Variants in PINX1 observed in about 807,000 individuals in gnomAD.
PINX1 encodes the protein PIN2/TERF1-interacting telomerase inhibitor 1.
Under a neutral mutation model 25.4 loss-of-function variants are expected in PINX1, and 34 were observed. That is an observed-to-expected ratio of 1.34 (90% CI 1.02 to 1.78). The LOEUF (loss-of-function observed/expected upper bound fraction) is 1.78. Among genes scored for constraint, PINX1 ranks in the 40% most tolerant of loss-of-function variants. The pLI, the probability that PINX1 is intolerant of heterozygous loss-of-function variation, is 0.00. For missense variants in PINX1, 592 were observed against 404.9 expected, an observed-to-expected ratio of 1.46 and a Z score of -3.97; for synonymous variants, 197 against 147.7, an observed-to-expected ratio of 1.33 and a Z score of -2.42.
intron 6 of PINX1, among the ~76,000 whole-genome samples, chr8:10,810,756 G>C (rs1282309726): frequency 1.3e-5 from 2 of 152,220 alleles, no homozygotes; most frequent in African/African-American, 2.4e-5. Flanking sequence ...CATGGTATTA[G>C]AAGGTCACTG....
Position 10,799,173 on chromosome 8 carries a change from C to A in PINX1, c.471+21020G>T, listed in dbSNP as rs541773597. 4.6e-5 allele frequency among the ~76,000 whole-genome samples: 7 copies of A among 151,910 alleles called. No individual in the cohort carries two copies. The East Asian group carries it at 1.2e-3, about 25-fold the overall frequency. On this transcript the variant is annotated intron_variant, in intron 6 of 6. Coordinates refer to ENST00000314787, the MANE Select transcript of PINX1 (RefSeq NM_017884.6). ...TTTTCAGTGTATTTGGAATCTATATCTGGACAGAGTACCTGCAAAAAGTAA... is the reference window on the plus strand; with the variant it reads ...TTTTCAGTGTATTTGGAATCTATATATGGACAGAGTACCTGCAAAAAGTAA...
At chr8:10,788,768 C>T (rs1275959660) in intron 6 of PINX1, among the ~76,000 whole-genome samples, 2 of 152,092 alleles carry the variant, frequency 1.3e-5, no homozygotes, top group Admixed American at 1.3e-4. Context: ...TGAGAGGAAG[C>T]CAACCAAGGC....
At position 10,821,183 on chromosome 8, in the gene PINX1, G is replaced by C. The variant is rs186071285; in HGVS notation, c.395-914C>G. Reference sequence around the variant, plus strand: ...ATGTGAGTCTCACGCTGGAAGCCGAGTTCCACCGTCACAGACTCACTTGTC... The same window carrying C: ...ATGTGAGTCTCACGCTGGAAGCCGACTTCCACCGTCACAGACTCACTTGTC... On this transcript the variant is annotated intron_variant, in intron 5 of 6. Coordinates refer to ENST00000314787, the MANE Select transcript of PINX1 (RefSeq NM_017884.6). 6.1e-3 allele frequency among the ~76,000 whole-genome samples: 922 copies of C among 152,366 alleles called. 11 individuals carry two copies. The highest frequency in any genetic ancestry group is 0.021 in the African/African-American group (889 of 41,594).
rs1250469788 is a variant in PINX1, at chr8:10,765,142, C to T, written c.*259G>A. On this transcript the variant is annotated 3_prime_UTR_variant, in exon 7 of 7. Transcript: ENST00000314787. ...TGTATTTGTAATGATTATAATTAAA[C>T]TCTCTTGCTGAAGGGCTCAGAGTTT... is the stretch of plus-strand genomic sequence containing the variant. The T allele has an allele frequency of 6.3e-6, 3 of 472,946 alleles. No individual in the cohort carries two copies. The highest frequency in any genetic ancestry group is 3.9e-5 in the African/African-American group (2 of 51,338). The allele number at this position is 472,946 out of a possible 1,614,324, so 29.3% of individuals were successfully genotyped here.
intron 4 of PINX1, among the ~76,000 whole-genome samples, chr8:10,830,726 C>A (rs1169719507): frequency 6.6e-6 from 1 of 152,194 alleles, no homozygotes; most frequent in Non-Finnish European, 1.5e-5. Flanking sequence ...AGATGCTTAA[C>A]ATCAGTCATT....
intron 6 of PINX1, among the ~76,000 whole-genome samples, chr8:10,791,799 C>T (rs886367450): frequency 1.3e-5 from 2 of 152,160 alleles, no homozygotes; most frequent in Middle Eastern, 6.3e-3. Flanking sequence ...CTCTCCAGCA[C>T]TGCGCGAGGC....
chr8:10,803,709 C>T (rs1181460144), intron 6 of PINX1, among the ~76,000 whole-genome samples: 1 of 152,202 alleles, frequency 6.6e-6, no homozygotes, highest in East Asian at 1.9e-4. Flanking sequence ...GTCAGGAGCA[C>T]ACAAGGTCTG....
At chr8:10,772,823 T>C (rs1801270849) in intron 6 of PINX1, among the ~76,000 whole-genome samples, 1 of 152,170 alleles carries the variant, frequency 6.6e-6, no homozygotes, top group Admixed American at 6.5e-5. Flanking sequence ...GAAACAGGTG[T>C]AAGAACCTGT....
chr8:10,773,540 A>G (rs960100018), intron 6 of PINX1, among the ~76,000 whole-genome samples: 1 of 152,234 alleles, frequency 6.6e-6, no homozygotes, highest in Admixed American at 6.5e-5. Flanking sequence ...GGAGAAGATA[A>G]TACGAACTAG....
At chr8:10,838,976 A>G (rs1798487270) in intron 1 of PINX1, among the ~76,000 whole-genome samples, 1 of 152,126 alleles carries the variant, frequency 6.6e-6, no homozygotes, top group Non-Finnish European at 1.5e-5. Context: ...TTGATCTGTT[A>G]AATAAGCTGT....
chr8:10,832,725 T>A (rs1798259150), intron 3 of PINX1, among the ~76,000 whole-genome samples, 167 bp downstream of exon 3: 1 of 152,224 alleles, frequency 6.6e-6, no homozygotes, highest in Non-Finnish European at 1.5e-5. Flanking sequence ...GGCCACTGAC[T>A]CTGAGTTATA....
At chr8:10,830,112 TTCAG>T (rs1798184404) in intron 4 of PINX1, among the ~76,000 whole-genome samples, 1 of 152,240 alleles carries the variant, frequency 6.6e-6, no homozygotes. Context: ...ATATGAGTCA[TTCAG>T]TATTTTCAGA....
intron 6 of PINX1, among the ~76,000 whole-genome samples, chr8:10,814,840 AC>A (rs1797651294): frequency 6.6e-6 from 1 of 152,176 alleles, no homozygotes. Context: ...CATGCTGGGG[AC>A]CCAGGAATGA....
rs1044458125 is a variant in PINX1, at chr8:10,781,549, G to A, written c.472-15633C>T. 2.6e-5 allele frequency among the ~76,000 whole-genome samples: 4 copies of A among 152,238 alleles called. No homozygotes were observed. The East Asian group carries it at 7.7e-4, about 29-fold the overall frequency. On this transcript the variant is annotated intron_variant, in intron 6 of 6. Coordinates refer to ENST00000314787, the MANE Select transcript of PINX1 (RefSeq NM_017884.6). Reference sequence around the variant, plus strand: ...AAAAATGGGCAAAGATGCTGGACAGGTATTTCTCAAAAGATGACATACACA... The same window carrying A: ...AAAAATGGGCAAAGATGCTGGACAGATATTTCTCAAAAGATGACATACACA...
intron 6 of PINX1, among the ~76,000 whole-genome samples, chr8:10,804,667 T>A (rs550355204): frequency 1.3e-5 from 2 of 151,406 alleles, no homozygotes; most frequent in Non-Finnish European, 2.9e-5. Context: ...TGATTAGGAA[T>A]GGTTTCATCG....
intron 6 of PINX1, among the ~76,000 whole-genome samples, chr8:10,792,683 A>C (rs1801961836): frequency 1.3e-5 from 2 of 152,194 alleles, no homozygotes; most frequent in Admixed American, 6.5e-5. Flanking sequence ...AGGTATTTTT[A>C]GCATCTTGAG....
At chr8:10,779,932 C>A (rs573133332) in intron 6 of PINX1, among the ~76,000 whole-genome samples, 2 of 152,096 alleles carry the variant, frequency 1.3e-5, no homozygotes, top group East Asian at 1.9e-4. Flanking sequence ...AAGTGTGGGG[C>A]AGAAAATGTA....
At chr8:10,796,734 TA>T (rs904931046) in intron 6 of PINX1, among the ~76,000 whole-genome samples, 93 of 143,440 alleles carry the variant, frequency 6.5e-4, no homozygotes, top group African/African-American at 8.7e-4. Flanking sequence ...TAAGAGCTGT[TA>T]AAAAAAAAAA....
chr8:10,791,013 T>C (rs1801906269), intron 6 of PINX1, among the ~76,000 whole-genome samples: 1 of 152,124 alleles, frequency 6.6e-6, no homozygotes, highest in Admixed American at 6.5e-5. Flanking sequence ...CCCAAGTTCA[T>C]GTGATTCTCC....
Sources: allele counts gnomAD v4.1 joint callset (sites outside exome capture counted in the v4.1 genomes callset), GRCh38; gene constraint gnomAD v4.1.1; transcripts MANE v1.5; gene names NCBI Gene and HGNC (gene_info 2026-07-23, HGNC 2026-07-21).